Variants in RYR3 observed in about 807,000 individuals in gnomAD.
RYR3 encodes ryanodine receptor 3, also known as brain ryanodine receptor-calcium release channel.
Under a neutral mutation model 584.3 loss-of-function variants are expected in RYR3, and 207 were observed. The observed-to-expected ratio is 0.35, with a 90% CI of 0.32 to 0.40. The LOEUF is 0.40. RYR3 is among the 10% of genes least tolerant of loss of function. The pLI, the probability that RYR3 is intolerant of heterozygous loss-of-function variation, is 1.00. For synonymous variants in RYR3, 2,416 were observed against 2,248.5 expected (o/e 1.07, Z -2.11); for missense variants, 5,616 against 6,089.2 (o/e 0.92, Z 2.59).
chr15:33,323,811 G>C (rs1395845616), intron 1 of RYR3, among the ~76,000 whole-genome samples: 2 of 152,106 alleles, frequency 1.3e-5, no homozygotes, highest in Non-Finnish European at 2.9e-5. Context: ...CTTTGCTCTG[G>C]TCTCTGGCTG....
chr15:33,775,347 TG>T (rs1376471799), intron 64 of RYR3, among the ~76,000 whole-genome samples: 17 of 152,010 alleles, frequency 1.1e-4, no homozygotes, highest in African/African-American at 3.9e-4. Flanking sequence ...GAAGGATGTG[TG>T]TGCTTGTGTG....
At chr15:33,690,930 A>G (rs1461576861) in intron 38 of RYR3, among the ~76,000 whole-genome samples, 1 of 152,224 alleles carries the variant, frequency 6.6e-6, no homozygotes, top group Non-Finnish European at 1.5e-5. Context: ...AAACAAAGTG[A>G]TATTTCTTTG....
intron 1 of RYR3, among the ~76,000 whole-genome samples, chr15:33,435,601 C>T (rs113809349): frequency 6.0e-4 from 92 of 152,268 alleles, no homozygotes; most frequent in African/African-American, 2.2e-3. Flanking sequence ...TATTGTGTCT[C>T]GCATTTATTC....
At chr15:33,340,471 A>G (rs1408549489) in intron 1 of RYR3, among the ~76,000 whole-genome samples, 1 of 152,226 alleles carries the variant, frequency 6.6e-6, no homozygotes, top group East Asian at 1.9e-4. Flanking sequence ...ATTATAAAAC[A>G]CCATAGACTG....
chr15:33,466,030 C>T (rs928003995), intron 1 of RYR3, among the ~76,000 whole-genome samples: 3 of 152,146 alleles, frequency 2.0e-5, no homozygotes, highest in Admixed American at 1.3e-4. Flanking sequence ...ATATAGTAAG[C>T]TTGACATGCC....
chr15:33,490,837 A>C (rs1429973438), intron 2 of RYR3, among the ~76,000 whole-genome samples: 1 of 152,068 alleles, frequency 6.6e-6, no homozygotes, highest in Non-Finnish European at 1.5e-5. Flanking sequence ...GACTTGAAAA[A>C]TGAGCCCTGT....
chr15:33,788,144 C>G (rs1596587940), intron 66 of RYR3, 74 bp from the exon 67 acceptor site: 7 of 1,589,542 alleles, frequency 4.4e-6, no homozygotes, highest in East Asian at 2.2e-5. Context: ...ACGGCCTCAC[C>G]TTTCAGTCAT....
At chr15:33,416,456 AATG>A (rs1351731615) in intron 1 of RYR3, among the ~76,000 whole-genome samples, 3 of 152,126 alleles carry the variant, frequency 2.0e-5, no homozygotes, top group African/African-American at 7.2e-5. Context: ...AATAATTAGT[AATG>A]ATGAGCATTT....
intron 96 of RYR3, among the ~76,000 whole-genome samples, 185 bp downstream of exon 96, chr15:33,853,867 C>T (rs954624813): frequency 1.3e-5 from 2 of 151,992 alleles, no homozygotes; most frequent in Non-Finnish European, 2.9e-5. Flanking sequence ...CATTTTTATG[C>T]CCTATAGAGC....
intron 69 of RYR3, among the ~76,000 whole-genome samples, chr15:33,802,256 A>T (rs1040804196): frequency 4.6e-5 from 7 of 152,222 alleles, no homozygotes; most frequent in African/African-American, 1.7e-4. Context: ...AGTGATTTTA[A>T]AATAGAACTT....
Position 33,842,997 on chromosome 15 carries a change from C to T in RYR3, c.13210-491C>T, listed in dbSNP as rs563977290. 9.9e-5 allele frequency among the ~76,000 whole-genome samples: 15 copies of T among 152,074 alleles called. 1 individual carries two copies. The South Asian group carries it at 1.7e-3, about 17-fold the overall frequency. On this transcript the variant is annotated intron_variant, in intron 91 of 103. Coordinates refer to ENST00000634891, the MANE Select transcript of RYR3 (RefSeq NM_001036.6). ...ACATTTTGGTTCCATGTTCATGACA[C>T]GACACAGTCATGCCATGGCTGTGTT...
intron 66 of RYR3, among the ~76,000 whole-genome samples, chr15:33,787,188 A>C (rs1185848589): frequency 1.3e-5 from 2 of 152,182 alleles, no homozygotes; most frequent in Non-Finnish European, 2.9e-5. Context: ...TTGGTGACTA[A>C]ACAAAGTCAA....
At chr15:33,671,702 C>T (rs557578300) in intron 38 of RYR3, among the ~76,000 whole-genome samples, 11 of 152,110 alleles carry the variant, frequency 7.2e-5, no homozygotes, top group East Asian at 5.8e-4. Context: ...TTGTGGTTAC[C>T]GCCAAAGGAG....
chr15:33,511,684 G>A (rs1397614469), intron 3 of RYR3, among the ~76,000 whole-genome samples: 3 of 151,746 alleles, frequency 2.0e-5, no homozygotes, highest in Non-Finnish European at 4.4e-5. Flanking sequence ...GAAATTCGTC[G>A]CCAGGCAGTT....
intron 3 of RYR3, among the ~76,000 whole-genome samples, chr15:33,527,642 A>G (rs1295622206): frequency 6.6e-6 from 1 of 151,756 alleles, no homozygotes; most frequent in Non-Finnish European, 1.5e-5. Context: ...AATATTTGCT[A>G]TCTGCCCTTT....
At chr15:33,380,882 C>A (rs1302797518) in intron 1 of RYR3, among the ~76,000 whole-genome samples, 1 of 152,184 alleles carries the variant, frequency 6.6e-6, no homozygotes, top group Non-Finnish European at 1.5e-5. Context: ...CCTTTATAGC[C>A]AACTATTTAA....
At chr15:33,487,201 G>GA (rs61232070) in intron 2 of RYR3, among the ~76,000 whole-genome samples, 67,802 of 144,408 alleles carry the variant, frequency 0.47, 16,604 homozygotes, top group Non-Finnish European at 0.55. Context: ...CCATCTCAAA[G>GA]AAAAAAAAAA....
At position 33,812,954 on chromosome 15, in the gene RYR3, G is replaced by T. The variant is rs778606179; in HGVS notation, c.10349G>T (p.Arg3450Leu). The T allele has an allele frequency of 6.2e-7, 1 of 1,613,880 alleles. No individual in the cohort carries two copies. The highest frequency in any genetic ancestry group is 8.5e-7 in the Non-Finnish European group (1 of 1,179,882). The stretch of plus-strand genomic sequence containing the variant: ...TTCAATCCGGAAAAGACAGTGGAGC[G>T]TGTGCAGAGAATTTCAGCAGCTGTC... ...EPFNPEKTVE[R>L]VQRISAAVFH... Residue 3450 changes from arginine (R) to leucine (L), a missense_variant, in exon 73 of 104, where the codon CGT (arginine) becomes CTT (leucine). This residue lies in a region of RYR3 where 954 missense variants were observed against 1,132.2 expected (regional missense o/e 0.84). Coordinates refer to ENST00000634891, the MANE Select transcript of RYR3 (RefSeq NM_001036.6).
At chr15:33,751,398 T>C (rs1365612201) in intron 57 of RYR3, among the ~76,000 whole-genome samples, 1 of 152,048 alleles carries the variant, frequency 6.6e-6, no homozygotes, top group Non-Finnish European at 1.5e-5. Flanking sequence ...CAGCATCTGT[T>C]GTTTCCTGAC....
Sources: gnomAD v4.1 joint callset for allele counts (sites outside exome capture counted in the v4.1 genomes callset) on GRCh38, gnomAD v4.1.1 for gene constraint, gnomAD v4.1.1 regional missense constraint, MANE v1.5 for transcripts, NCBI Gene and HGNC (gene_info 2026-07-23, HGNC 2026-07-21) for gene names.